DCC: variants seen among roughly 807,000 people sequenced by gnomAD.
The protein encoded by DCC is DCC netrin 1 receptor, also known as netrin receptor DCC.
A neutral mutation model predicts 172.5 loss-of-function variants in DCC; 58 were observed. That is an observed-to-expected ratio of 0.34 (90% CI 0.27 to 0.42). The LOEUF is 0.42. Among genes scored for constraint, DCC ranks in the 10% least tolerant of loss-of-function variants. DCC has a pLI of 1.00. For synonymous variants in DCC, 709 were observed against 644.5 expected (o/e 1.10, Z -1.52); for missense variants, 1,740 against 1,791.0 (o/e 0.97, Z 0.51).
At chr18:52,431,225 G>A (rs2849195) in intron 1 of DCC, among the ~76,000 whole-genome samples, 1 of 152,226 alleles carries the variant, frequency 6.6e-6, no homozygotes, top group Admixed American at 6.5e-5. Context: ...AAGTCCTCTA[G>A]GTGATTTGGA....
At chr18:53,164,489 A>T (rs1034659388) in intron 8 of DCC, among the ~76,000 whole-genome samples, 22 of 152,210 alleles carry the variant, frequency 1.4e-4, no homozygotes, top group African/African-American at 5.3e-4. Context: ...AGTATAACAC[A>T]GTATAGCCAA....
At chr18:53,269,322 C>T (rs993552031) in intron 12 of DCC, among the ~76,000 whole-genome samples, 1 of 152,022 alleles carries the variant, frequency 6.6e-6, no homozygotes, top group Non-Finnish European at 1.5e-5. Context: ...TTGCATTTGC[C>T]AAATCAAAAC....
At chr18:52,822,600 TGAGA>T (rs1435178928) in intron 2 of DCC, among the ~76,000 whole-genome samples, 2 of 152,328 alleles carry the variant, frequency 1.3e-5, no homozygotes, top group East Asian at 1.9e-4. Context: ...AACAAAATGT[TGAGA>T]GAATGTCAAG....
chr18:52,477,365 G>A (rs187222965), intron 1 of DCC, among the ~76,000 whole-genome samples: 5 of 152,116 alleles, frequency 3.3e-5, no homozygotes, highest in African/African-American at 1.2e-4. Context: ...TGAGTGGAGG[G>A]GAAGGTAGCA....
chr18:53,470,121 C>G (rs2045677275), intron 25 of DCC, among the ~76,000 whole-genome samples: 2 of 151,956 alleles, frequency 1.3e-5, no homozygotes, highest in Non-Finnish European at 2.9e-5. Flanking sequence ...GGTATCCTCT[C>G]TTTTCTCCCT....
At chr18:53,190,503 TAC>T (rs1179047763) in intron 9 of DCC, among the ~76,000 whole-genome samples, 1 of 141,214 alleles carries the variant, frequency 7.1e-6, no homozygotes, top group East Asian at 2.1e-4. Context: ...TGTGTGTGTG[TAC>T]ACAAACTAAG....
At chr18:52,606,203 T>C (rs2034127192) in intron 1 of DCC, among the ~76,000 whole-genome samples, 3 of 152,188 alleles carry the variant, frequency 2.0e-5, no homozygotes, top group South Asian at 2.1e-4. Context: ...GAAACAGAAA[T>C]GCATTTTGGT....
At chr18:53,482,313 G>C (rs1451560630) in intron 25 of DCC, among the ~76,000 whole-genome samples, 1 of 152,088 alleles carries the variant, frequency 6.6e-6, no homozygotes, top group African/African-American at 2.4e-5. Context: ...CTTTTGAGAT[G>C]CAGAAACATA....
rs779355330 is a variant in DCC, at chr18:52,906,324, A to G, written c.693A>G (p.Leu231=). 2.5e-6 allele frequency: 4 copies of G among 1,613,920 alleles called. No homozygotes were observed. In the Admixed American group the frequency reaches 5.0e-5, roughly 20 times the overall value. The change falls in exon 3 of 29, where the codon TTA becomes TTG. Residue 231 remains leucine (L), a synonymous_variant. Coordinates refer to ENST00000442544, the MANE Select transcript of DCC (RefSeq NM_005215.4). The stretch of plus-strand genomic sequence containing the variant: ...GAAATGAAGCAGAAGTCAGAATTTT[A>G]TCAGGTATTGCAATGCTCTTTGTTG... The part of the protein sequence containing the change: ...RTGNEAEVRI[L]SDPGLHRQLY...
At chr18:52,392,611 C>T (rs981701144) in intron 1 of DCC, among the ~76,000 whole-genome samples, 7 of 152,006 alleles carry the variant, frequency 4.6e-5, no homozygotes, top group African/African-American at 1.7e-4. Flanking sequence ...ATATCAGGGG[C>T]TTAAGAATGT....
intron 1 of DCC, among the ~76,000 whole-genome samples, chr18:52,530,068 A>G (rs1256187106): frequency 6.6e-6 from 1 of 152,242 alleles, no homozygotes; most frequent in African/African-American, 2.4e-5. Context: ...TAGTGAAACT[A>G]TATGATGTAT....
At chr18:52,854,085 A>G (rs1452767950) in intron 2 of DCC, among the ~76,000 whole-genome samples, 1 of 152,190 alleles carries the variant, frequency 6.6e-6, no homozygotes, top group Non-Finnish European at 1.5e-5. Context: ...GGCAGAATGA[A>G]TTTTAATAGA....
intron 5 of DCC, among the ~76,000 whole-genome samples, chr18:53,048,102 AGT>A (rs2144028036): frequency 6.6e-6 from 1 of 151,948 alleles, no homozygotes; most frequent in East Asian, 1.9e-4. Context: ...GAGAATACTG[AGT>A]CTCTATTTGT....
At chr18:52,504,245 A>G (rs1335537936) in intron 1 of DCC, among the ~76,000 whole-genome samples, 2 of 152,142 alleles carry the variant, frequency 1.3e-5, no homozygotes, top group Non-Finnish European at 2.9e-5. Flanking sequence ...AATAAAAGCC[A>G]AGACTTTGAC....
intron 1 of DCC, among the ~76,000 whole-genome samples, chr18:52,682,815 T>C (rs939300351): frequency 6.6e-6 from 1 of 152,094 alleles, no homozygotes; most frequent in Non-Finnish European, 1.5e-5. Context: ...GGTGTGTACA[T>C]CAAAATCTAA....
chr18:52,503,264 G>A (rs564117424), intron 1 of DCC, among the ~76,000 whole-genome samples: 4 of 152,240 alleles, frequency 2.6e-5, no homozygotes, highest in East Asian at 1.9e-4. Flanking sequence ...GGACACTCTC[G>A]AGAGTAAAAG....
intron 5 of DCC, among the ~76,000 whole-genome samples, chr18:52,964,054 TTGATA>T (rs766902485): frequency 1.2e-4 from 19 of 152,132 alleles, no homozygotes; most frequent in African/African-American, 2.4e-4. Flanking sequence ...AATAATTCTC[TTGATA>T]TGATATGATA....
intron 1 of DCC, among the ~76,000 whole-genome samples, chr18:52,719,689 C>T (rs1157053695): frequency 1.3e-5 from 2 of 151,834 alleles, no homozygotes; most frequent in Admixed American, 1.3e-4. Context: ...TGAGAAGAGG[C>T]CCAGCTTTTG....
intron 12 of DCC, among the ~76,000 whole-genome samples, chr18:53,232,695 G>C (rs977953108): frequency 2.6e-5 from 4 of 152,090 alleles, no homozygotes; most frequent in Admixed American, 6.6e-5. Flanking sequence ...TGCTAATTCT[G>C]TGGCTCAATT....
Sources: allele counts gnomAD v4.1 joint callset (sites outside exome capture counted in the v4.1 genomes callset), GRCh38; gene constraint gnomAD v4.1.1; transcripts MANE v1.5; gene names NCBI Gene and HGNC (gene_info 2026-07-23, HGNC 2026-07-21).